The following LRMDA variants were observed in gnomAD, a reference collection of about 807,000 sequenced individuals.
LRMDA encodes the protein leucine rich melanocyte differentiation associated.
LRMDA carries 18 observed loss-of-function variants against 29.8 expected under a neutral mutation model. That is an observed-to-expected ratio of 0.60 (90% CI 0.42 to 0.90). LRMDA has a LOEUF of 0.90. Ranked by LOEUF, LRMDA falls within the 40% of genes least tolerant of loss-of-function variation. The probability of loss-of-function intolerance (pLI) is 0.00; values close to 1 mark genes in which losing one functional copy is unlikely to be tolerated. For missense variants in LRMDA, 273 were observed against 273.9 expected, an observed-to-expected ratio of 1.00 and a Z score of 0.02; for synonymous variants, 125 against 109.4, an observed-to-expected ratio of 1.14 and a Z score of -0.89.
At position 75,700,437 on chromosome 10, in the gene LRMDA, C is replaced by CTT. The variant is rs1156446140; in HGVS notation, c.131+261958_131+261959dup. Among the ~76,000 whole-genome samples the CTT allele has an allele frequency of 2.4e-4, 33 of 135,700 alleles. No individual in the cohort carries two copies. In the South Asian group the frequency reaches 4.7e-3, roughly 19 times the overall value. 89.0% of individuals were successfully genotyped at this position (135,700 alleles called of 152,430 possible). The stretch of plus-strand genomic sequence containing the variant: ...TAAAATCTTTATTTCCTTTCTCATT[C>CTT]TTTTTTTTTTTTTTTTGAGATGGAG... On this transcript the variant is annotated intron_variant, in intron 2 of 6. Transcript: ENST00000611255.
intron 2 of LRMDA, among the ~76,000 whole-genome samples, chr10:75,819,107 CT>C (rs1844112688): frequency 6.6e-6 from 1 of 152,166 alleles, no homozygotes; most frequent in Non-Finnish European, 1.5e-5. Flanking sequence ...AAGTAAATGT[CT>C]TGATGGCTTT....
At chr10:75,947,896 C>T (rs941729423) in intron 2 of LRMDA, among the ~76,000 whole-genome samples, 1 of 152,068 alleles carries the variant, frequency 6.6e-6, no homozygotes, top group African/African-American at 2.4e-5. Context: ...TGTTCTTGCT[C>T]GATTATTGGA....
At chr10:76,277,781 C>A (rs1277276013) in intron 5 of LRMDA, among the ~76,000 whole-genome samples, 1 of 152,184 alleles carries the variant, frequency 6.6e-6, no homozygotes, top group Non-Finnish European at 1.5e-5. Flanking sequence ...TGTCCATGTT[C>A]TGTAGCTTCA....
rs35911382 is a variant in LRMDA, at chr10:76,184,033, AT to A, written c.516+125264del. 4.4e-3 allele frequency among the ~76,000 whole-genome samples: 590 copies of A among 133,866 alleles called. 3 individuals carry two copies. Among genetic ancestry groups the A allele is most frequent in the Middle Eastern group, 0.011 (2 of 190 alleles). The allele number at this position is 133,866 out of a possible 152,430, so 87.8% of individuals were successfully genotyped here. A position where few individuals can be genotyped will look rare whatever the true frequency, so the allele number is the denominator to read the frequency against. On this transcript the variant is annotated intron_variant, in intron 5 of 6. Coordinates refer to ENST00000611255, the MANE Select transcript of LRMDA (RefSeq NM_001305581.2). ...CACCCCACCCGGCCCTACTTTATTT[AT>A]TTTTTTTTTTTTTGGAGACGGAGTC...
rs116129148 is a variant in LRMDA, at chr10:76,292,695, C to T, written c.517-31706C>T. Among the ~76,000 whole-genome samples, 442 of 151,980 alleles carry T rather than the reference C, an allele frequency of 2.9e-3. 1 individual carries two copies. Among genetic ancestry groups the T allele is most frequent in the African/African-American group, 0.01 (427 of 41,414 alleles). ...ACTACTTTATGACTCTTTATGCACACGCTTGTGTCGCTCCTGCATTCTAGA... is the reference window on the plus strand; with the variant it reads ...ACTACTTTATGACTCTTTATGCACATGCTTGTGTCGCTCCTGCATTCTAGA... On this transcript the variant is annotated intron_variant, in intron 5 of 6. Transcript: ENST00000611255.
intron 5 of LRMDA, among the ~76,000 whole-genome samples, chr10:76,277,716 T>C (rs1269603251): frequency 2.0e-5 from 3 of 152,212 alleles, no homozygotes; most frequent in East Asian, 1.9e-4. Context: ...CCTCTCATAA[T>C]ATGAGCTTCT....
At chr10:76,497,251 T>C (rs1842884149) in intron 6 of LRMDA, among the ~76,000 whole-genome samples, 1 of 74,784 alleles carries the variant, frequency 1.3e-5, no homozygotes, top group South Asian at 3.6e-4. Context: ...TTCTCTTATA[T>C]ATTTTAGGCA....
At chr10:75,692,173 GCC>G (rs1842166675) in intron 2 of LRMDA, among the ~76,000 whole-genome samples, 1 of 143,206 alleles carries the variant, frequency 7.0e-6, no homozygotes. Flanking sequence ...CTGTACTCCA[GCC>G]TGGGCAACAA....
intron 6 of LRMDA, among the ~76,000 whole-genome samples, chr10:76,511,302 G>A (rs539815072): frequency 3.6e-4 from 55 of 152,230 alleles, no homozygotes; most frequent in African/African-American, 1.1e-3. Context: ...TAGGGCTCCC[G>A]TGTACAGGCT....
rs139638833 is a variant in LRMDA at position 75,960,257 on chromosome 10, T to C, written c.132-75751T>C. On this transcript the variant is annotated intron_variant, in intron 2 of 6. Coordinates refer to ENST00000611255, the MANE Select transcript of LRMDA (RefSeq NM_001305581.2). ...CTGATTACTTCAAATTCCCCATGGA[T>C]AGGCATATTTAGAAGAGGATATGTC... is the stretch of plus-strand genomic sequence containing the variant. Among the ~76,000 whole-genome samples the C allele has an allele frequency of 1.1e-4, 17 of 152,354 alleles. No homozygotes were observed. In the East Asian group the frequency reaches 3.1e-3, roughly 28 times the overall value.
At chr10:75,602,157 G>A (rs930745952) in intron 2 of LRMDA, among the ~76,000 whole-genome samples, 3 of 151,928 alleles carry the variant, frequency 2.0e-5, no homozygotes, top group African/African-American at 4.8e-5. Context: ...TAAAAATGCA[G>A]CCAGTGAGTT....
intron 2 of LRMDA, among the ~76,000 whole-genome samples, chr10:75,465,837 G>A (rs1207122496): frequency 1.3e-5 from 2 of 152,184 alleles, no homozygotes; most frequent in African/African-American, 4.8e-5. Context: ...ATTGCAGAGA[G>A]CACAGTTAAA....
At chr10:76,158,127 C>T (rs1447948325) in intron 5 of LRMDA, among the ~76,000 whole-genome samples, 3 of 152,140 alleles carry the variant, frequency 2.0e-5, no homozygotes, top group Non-Finnish European at 4.4e-5. Flanking sequence ...ATGATGGCCT[C>T]AGAGCCATCA....
intron 2 of LRMDA, among the ~76,000 whole-genome samples, chr10:75,521,241 A>G (rs1845353975): frequency 6.6e-6 from 1 of 152,204 alleles, no homozygotes; most frequent in Non-Finnish European, 1.5e-5. Context: ...CTCTCTTCAG[A>G]GCTGTCAGAC....
intron 5 of LRMDA, among the ~76,000 whole-genome samples, chr10:76,242,782 T>C (rs1282198838): frequency 6.6e-6 from 1 of 152,210 alleles, no homozygotes. Flanking sequence ...ACTCAACCCA[T>C]AACAATTGTG....
chr10:76,382,824 C>T (rs1204256692), intron 6 of LRMDA, among the ~76,000 whole-genome samples: 1 of 152,184 alleles, frequency 6.6e-6, no homozygotes, highest in Non-Finnish European at 1.5e-5. Context: ...CAAGCCAAGG[C>T]AGGGCCTGAA....
At chr10:75,462,502 G>A (rs1320530396) in intron 2 of LRMDA, among the ~76,000 whole-genome samples, 2 of 152,156 alleles carry the variant, frequency 1.3e-5, no homozygotes, top group East Asian at 3.8e-4. Flanking sequence ...GTGAGATACT[G>A]TATAAAGATA....
chr10:76,283,239 C>G (rs1840228687), intron 5 of LRMDA, among the ~76,000 whole-genome samples: 1 of 152,134 alleles, frequency 6.6e-6, no homozygotes, highest in Non-Finnish European at 1.5e-5. Flanking sequence ...TCACTGAGTA[C>G]TAGTACAGCA....
chr10:75,899,069 C>T (rs1034000000), intron 2 of LRMDA, among the ~76,000 whole-genome samples: 1 of 152,196 alleles, frequency 6.6e-6, no homozygotes, highest in African/African-American at 2.4e-5. Context: ...CCTTCTGCAG[C>T]CTGGGCATTA....
Sources: allele counts gnomAD v4.1 joint callset (sites outside exome capture counted in the v4.1 genomes callset), GRCh38; gene constraint gnomAD v4.1.1; transcripts MANE v1.5; gene names NCBI Gene and HGNC (gene_info 2026-07-23, HGNC 2026-07-21).